Variants in BMP6 observed in about 807,000 individuals in gnomAD.
BMP6 encodes VG-1-R.
A neutral mutation model predicts 54.1 loss-of-function variants in BMP6; 17 were observed. The observed-to-expected ratio is 0.31, with a 90% CI of 0.22 to 0.47. The LOEUF (loss-of-function observed/expected upper bound fraction) is 0.47. Among genes scored for constraint, BMP6 ranks in the 20% least tolerant of loss-of-function variants. BMP6 has a pLI of 1.00. For synonymous variants in BMP6, 328 were observed against 291.2 expected, an observed-to-expected ratio of 1.13 and a Z score of -1.28; for missense variants, 720 against 690.4, an observed-to-expected ratio of 1.04 and a Z score of -0.48.
At chr6:7,870,908 C>T (rs1420474953) in intron 4 of BMP6, among the ~76,000 whole-genome samples, 3 of 152,218 alleles carry the variant, frequency 2.0e-5, no homozygotes, top group Non-Finnish European at 2.9e-5. Context: ...GGATTACAGG[C>T]GTGAGCCACC....
At chr6:7,804,912 T>TA (rs1758326763) in intron 1 of BMP6, among the ~76,000 whole-genome samples, 1 of 151,970 alleles carries the variant, frequency 6.6e-6, no homozygotes, top group Non-Finnish European at 1.5e-5. Context: ...CTTAGTGTAT[T>TA]AAAAAACACA....
intron 1 of BMP6, among the ~76,000 whole-genome samples, chr6:7,832,472 G>C (rs1758807952): frequency 1.3e-5 from 2 of 152,016 alleles, no homozygotes; most frequent in Admixed American, 6.6e-5. Context: ...CTTGGTCTTA[G>C]ACTTCCAGCC....
chr6:7,793,876 A>G (rs375024798), intron 1 of BMP6, among the ~76,000 whole-genome samples: 1 of 152,034 alleles, frequency 6.6e-6, no homozygotes. Context: ...CCTTCCCTCA[A>G]CCCTGATGCC....
chr6:7,817,586 T>TGGGGGGA (rs1454562068), intron 1 of BMP6, among the ~76,000 whole-genome samples: 77 of 28,530 alleles, frequency 2.7e-3, no homozygotes, highest in Admixed American at 9.6e-3. Flanking sequence ...GCGTGGGGGG[T>TGGGGGGA]GGGGGGAGGG....
intron 2 of BMP6, among the ~76,000 whole-genome samples, chr6:7,856,895 C>A (rs1376758658): frequency 6.6e-6 from 1 of 152,132 alleles, no homozygotes; most frequent in Non-Finnish European, 1.5e-5. Flanking sequence ...CGCGCCCGGC[C>A]TCAAGAGCAT....
intron 1 of BMP6, among the ~76,000 whole-genome samples, chr6:7,768,831 T>C (rs970198632): frequency 6.6e-6 from 1 of 152,162 alleles, no homozygotes; most frequent in Admixed American, 6.5e-5. Flanking sequence ...CCCTAACACT[T>C]TGTGGCTTTC....
intron 1 of BMP6, among the ~76,000 whole-genome samples, chr6:7,746,443 A>C (rs1444918878): frequency 6.6e-6 from 1 of 152,120 alleles, no homozygotes; most frequent in Non-Finnish European, 1.5e-5. Flanking sequence ...TCTAGGTAAC[A>C]TCCCCCCTCC....
At chr6:7,793,234 A>G (rs1758137509) in intron 1 of BMP6, among the ~76,000 whole-genome samples, 1 of 152,148 alleles carries the variant, frequency 6.6e-6, no homozygotes, top group Non-Finnish European at 1.5e-5. Context: ...AGGAATATAG[A>G]GTTTGCTCTA....
intron 1 of BMP6, among the ~76,000 whole-genome samples, chr6:7,810,953 G>A (rs1758427204): frequency 6.6e-6 from 1 of 152,156 alleles, no homozygotes; most frequent in African/African-American, 2.4e-5. Context: ...GCCATACTTT[G>A]AAGCCTGGGT....
intron 1 of BMP6, among the ~76,000 whole-genome samples, chr6:7,796,834 A>G (rs1165797750): frequency 6.6e-6 from 1 of 152,212 alleles, no homozygotes; most frequent in Non-Finnish European, 1.5e-5. Context: ...AAATCTTTAG[A>G]TTTCCAAATT....
At chr6:7,861,985 T>G (rs1013449811) in intron 3 of BMP6, among the ~76,000 whole-genome samples, 1 of 152,168 alleles carries the variant, frequency 6.6e-6, no homozygotes, top group East Asian at 1.9e-4. Flanking sequence ...AGCCAGCAGC[T>G]TGAGGTCCCC....
chr6:7,862,598 G>A, intron 4 of BMP6, 100 bp downstream of exon 4: 1 of 1,464,188 alleles, frequency 6.8e-7, no homozygotes, highest in Admixed American at 1.9e-5. Context: ...CTTCTGCACA[G>A]CAAATCCAAA....
At chr6:7,809,670 C>A (rs1260262316) in intron 1 of BMP6, among the ~76,000 whole-genome samples, 1 of 152,212 alleles carries the variant, frequency 6.6e-6, no homozygotes, top group East Asian at 1.9e-4. Context: ...GCTTCAGACT[C>A]CGTAAAATAG....
At chr6:7,743,203 A>G (rs977653603) in intron 1 of BMP6, among the ~76,000 whole-genome samples, 1 of 152,222 alleles carries the variant, frequency 6.6e-6, no homozygotes, top group Non-Finnish European at 1.5e-5. Flanking sequence ...GGTGTATTCT[A>G]TAGTGTATAC....
chr6:7,768,468 G>C (rs1757726560), intron 1 of BMP6, among the ~76,000 whole-genome samples: 1 of 152,202 alleles, frequency 6.6e-6, no homozygotes, highest in South Asian at 2.1e-4. Context: ...GGGTCCTCTG[G>C]GTGTTTCCAG....
chr6:7,865,703 C>A (rs1759410626), intron 4 of BMP6, among the ~76,000 whole-genome samples: 1 of 152,090 alleles, frequency 6.6e-6, no homozygotes, highest in Admixed American at 6.6e-5. Flanking sequence ...AAGTGGTGTA[C>A]TCTGGCGTGA....
chr6:7,803,049 T>C (rs1314445096), intron 1 of BMP6, among the ~76,000 whole-genome samples: 2 of 152,104 alleles, frequency 1.3e-5, no homozygotes, highest in Non-Finnish European at 2.9e-5. Context: ...AGAAAAACAC[T>C]TGAAGTTGTG....
At chr6:7,758,337 G>C (rs1280396561) in intron 1 of BMP6, among the ~76,000 whole-genome samples, 1 of 152,174 alleles carries the variant, frequency 6.6e-6, no homozygotes, top group Non-Finnish European at 1.5e-5. Context: ...ATAAAGAGAT[G>C]ATGATGGTCA....
chr6:7,850,246 C>T (rs1474254416), intron 2 of BMP6, among the ~76,000 whole-genome samples: 1 of 152,092 alleles, frequency 6.6e-6, no homozygotes, highest in Non-Finnish European at 1.5e-5. Flanking sequence ...GGGTTCAAGC[C>T]ATTCTCTTGC....
Sources: gnomAD v4.1 joint callset for allele counts (sites outside exome capture counted in the v4.1 genomes callset) on GRCh38, gnomAD v4.1.1 for gene constraint, MANE v1.5 for transcripts, NCBI Gene and HGNC (gene_info 2026-07-23, HGNC 2026-07-21) for gene names.